The following SLBP variants were observed in gnomAD, a reference collection of about 807,000 sequenced individuals.
SLBP encodes the protein histone RNA hairpin-binding protein.
A neutral mutation model predicts 39.2 loss-of-function variants in SLBP; 29 were observed. The observed-to-expected ratio is 0.74, with a 90% confidence interval of 0.55 to 1.01. The LOEUF is 1.01. SLBP is among the 50% of genes least tolerant of loss of function. The probability of loss-of-function intolerance (pLI) is 0.00; values close to 1 mark genes in which losing one functional copy is unlikely to be tolerated. For synonymous variants in SLBP, 129 were observed against 118.7 expected (o/e 1.09, Z -0.57); for missense variants, 390 against 350.2 (o/e 1.11, Z -0.91).
In SLBP at chr4:1,703,657, C is replaced by A. The variant is rs1158067661; in HGVS notation, c.220G>T (p.Asp74Tyr). ...EGPKPRSRCS[D>Y]WASAVEEDEM... is the part of the protein sequence containing the mutation. ...TCTTCTTCAACTGCACTTGCCCAGT[C>A]AGAGCATCTGGAACGGGGTTTAGGG... is the stretch of plus-strand genomic sequence containing the variant. Residue 74 changes from aspartate (D) to tyrosine (Y), a missense_variant, in exon 3 of 8, where the codon GAC (aspartate) becomes TAC (tyrosine). Coordinates refer to ENST00000489418, the MANE Select transcript of SLBP (RefSeq NM_006527.4). 6.2e-7 allele frequency: 1 copy of A among 1,614,072 alleles called. No individual in the cohort carries two copies.
intron 2 of SLBP, among the ~76,000 whole-genome samples, chr4:1,704,170 G>A (rs530254495): frequency 1.3e-5 from 2 of 152,222 alleles, no homozygotes; most frequent in Non-Finnish European, 2.9e-5. Flanking sequence ...CAGTAGTCCA[G>A]GGCTATCATA....
intron 2 of SLBP, among the ~76,000 whole-genome samples, chr4:1,707,980 G>T (rs62285069): frequency 0.21 from 32,069 of 151,646 alleles, 3,704 homozygotes; most frequent in Non-Finnish European, 0.26. Context: ...TCAGGAGGCT[G>T]AGGCAGGAGA....
intron 3 of SLBP, among the ~76,000 whole-genome samples, chr4:1,701,799 C>T (rs1162606304): frequency 6.6e-6 from 1 of 152,068 alleles, no homozygotes; most frequent in Non-Finnish European, 1.5e-5. Context: ...CCCAGCTACT[C>T]GAGAGGCTGA....
In SLBP at chr4:1,699,555, C is replaced by G. The variant is rs1218307008; in HGVS notation, c.479+9G>C. 6.2e-7 allele frequency: 1 copy of G among 1,613,736 alleles called. No homozygotes were observed. The highest frequency in any genetic ancestry group is 8.5e-7 in the Non-Finnish European group (1 of 1,179,826). ...GCTTGTTCAAGACATGCCACTGAAACAAGACTACCTTGGGACTTCTTTAAT... is the reference window on the plus strand; with the variant it reads ...GCTTGTTCAAGACATGCCACTGAAAGAAGACTACCTTGGGACTTCTTTAAT... On this transcript the variant is annotated intron_variant, in intron 5 of 7. Transcript: ENST00000489418.
At chr4:1,701,808 G>A (rs1186066961) in intron 3 of SLBP, among the ~76,000 whole-genome samples, 1 of 152,206 alleles carries the variant, frequency 6.6e-6, no homozygotes, top group Non-Finnish European at 1.5e-5. Context: ...TCGAGAGGCT[G>A]AGGCAGGAGA....
chr4:1,695,652 G>C (rs553643260), intron 6 of SLBP, among the ~76,000 whole-genome samples: 3 of 151,994 alleles, frequency 2.0e-5, no homozygotes, highest in South Asian at 2.1e-4. Flanking sequence ...GTGGTGGCGC[G>C]TGCCTGTAAT....
At chr4:1,711,241 A>G (rs2051514) in intron 2 of SLBP, among the ~76,000 whole-genome samples, 17,962 of 150,202 alleles carry the variant, frequency 0.12, 1,471 homozygotes, top group Non-Finnish European at 0.18. Flanking sequence ...CGAACCACGC[A>G]TTTCCCTCCA....
Position 1,712,146 on chromosome 4 carries a change from A to G in SLBP, c.43T>C (p.Cys15Arg). Residue 15 changes from cysteine (C) to arginine (R), a missense_variant, in exon 1 of 8, where the codon TGC (cysteine) becomes CGC (arginine). Coordinates refer to ENST00000489418, the MANE Select transcript of SLBP (RefSeq NM_006527.4). ...PRSPPRHQSR[C>R]DGDASPPSPA... ...CGGCCTCACCTGGCGTCACCGTCGC[A>G]GCGGCTCTGATGCCTCGGCGGGCTT... 1 of 1,232,342 alleles carries G rather than the reference A, an allele frequency of 8.1e-7. No individual in the cohort carries two copies. The highest frequency in any genetic ancestry group is 1.0e-6 in the Non-Finnish European group (1 of 989,382). 76.3% of individuals were successfully genotyped at this position (1,232,342 alleles called of 1,614,324 possible). A position where few individuals can be genotyped will look rare whatever the true frequency, so the allele number is the denominator to read the frequency against.
At chr4:1,710,403 A>G (rs1246920993) in intron 2 of SLBP, among the ~76,000 whole-genome samples, 2 of 152,186 alleles carry the variant, frequency 1.3e-5, no homozygotes, top group Non-Finnish European at 2.9e-5. Context: ...TAAAGGCTTG[A>G]GTCATTCTTG....
intron 5 of SLBP, among the ~76,000 whole-genome samples, chr4:1,698,357 CATGATATA>C (rs1419513246): frequency 7.0e-6 from 1 of 143,734 alleles, no homozygotes; most frequent in Non-Finnish European, 1.5e-5. Context: ...CACAGTGAGA[CATGATATA>C]ACACTGCACT....
At chr4:1,706,211 C>T (rs1560256441) in intron 2 of SLBP, among the ~76,000 whole-genome samples, 1 of 151,322 alleles carries the variant, frequency 6.6e-6, no homozygotes, top group African/African-American at 2.4e-5. Context: ...GCTTGAACCC[C>T]AGAGACGGAG....
chr4:1,705,994 T>C (rs1049212170), intron 2 of SLBP, among the ~76,000 whole-genome samples: 2 of 152,038 alleles, frequency 1.3e-5, no homozygotes, highest in Non-Finnish European at 2.9e-5. Flanking sequence ...CAAAAAAATA[T>C]ATATGGTGGC....
At chr4:1,701,839 G>A (rs183080816) in intron 3 of SLBP, among the ~76,000 whole-genome samples, 2 of 152,242 alleles carry the variant, frequency 1.3e-5, no homozygotes, top group East Asian at 3.9e-4. Flanking sequence ...CCTAGGAAGC[G>A]GAAGTTGCAG....
chr4:1,706,807 G>T (rs1345829243), intron 2 of SLBP, among the ~76,000 whole-genome samples: 1 of 151,874 alleles, frequency 6.6e-6, no homozygotes, highest in African/African-American at 2.4e-5. Context: ...CAGCCTGGGG[G>T]AGAGAGACCC....
At chr4:1,702,928 G>C (rs1268623599) in intron 3 of SLBP, among the ~76,000 whole-genome samples, 1 of 152,134 alleles carries the variant, frequency 6.6e-6, no homozygotes, top group Non-Finnish European at 1.5e-5. Flanking sequence ...CAGAAGGTCG[G>C]TGGTAACAAA....
chr4:1,693,947 G>A (rs1716011580), intron 7 of SLBP, among the ~76,000 whole-genome samples: 2 of 152,162 alleles, frequency 1.3e-5, no homozygotes, highest in Admixed American at 1.3e-4. Context: ...TGGGATTACA[G>A]GAAGGAGTCA....
At chr4:1,708,085 G>GAAAAA (rs35817560) in intron 2 of SLBP, among the ~76,000 whole-genome samples, 1 of 111,434 alleles carries the variant, frequency 9.0e-6, no homozygotes, top group Non-Finnish European at 1.8e-5. Flanking sequence ...TCTCAAAAAC[G>GAAAAA]AAAAAAAAAA....
intron 2 of SLBP, among the ~76,000 whole-genome samples, chr4:1,709,507 A>G (rs954305925): frequency 1.3e-5 from 2 of 152,192 alleles, no homozygotes; most frequent in African/African-American, 4.8e-5. Context: ...CTACTCTCCA[A>G]TAAGTTAGAT....
At chr4:1,694,457 T>C (rs1315576899) in intron 7 of SLBP, among the ~76,000 whole-genome samples, 1 of 150,950 alleles carries the variant, frequency 6.6e-6, no homozygotes, top group Non-Finnish European at 1.5e-5. Context: ...AATGGCGCCA[T>C]CTCAGCTCAC....
Sources: gnomAD v4.1 joint callset for allele counts (sites outside exome capture counted in the v4.1 genomes callset) on GRCh38, gnomAD v4.1.1 for gene constraint, MANE v1.5 for transcripts, NCBI Gene and HGNC (gene_info 2026-07-23, HGNC 2026-07-21) for gene names.